MMP16: variants seen among roughly 807,000 people sequenced by gnomAD.
MMP16 encodes matrix metallopeptidase 16, also known as matrix metalloproteinase-16.
In MMP16, 12 loss-of-function variants were observed where a neutral mutation model predicts 67.8. That is an observed-to-expected ratio of 0.18 (90% CI 0.11 to 0.29). The LOEUF (loss-of-function observed/expected upper bound fraction) is 0.29. Ranked by LOEUF, MMP16 falls within the 10% of genes least tolerant of loss-of-function variation. MMP16 has a pLI of 1.00. For missense variants in MMP16, 475 were observed against 765.7 expected (o/e 0.62, Z 4.48); for synonymous variants, 249 against 255.9 (o/e 0.97, Z 0.26).
At chr8:88,230,307 A>G (rs1316772542) in intron 1 of MMP16, among the ~76,000 whole-genome samples, 1 of 152,144 alleles carries the variant, frequency 6.6e-6, no homozygotes, top group Non-Finnish European at 1.5e-5. Context: ...AATAGTAAAA[A>G]TAAACGAATT....
chr8:88,209,048 G>A (rs930346603), intron 1 of MMP16, among the ~76,000 whole-genome samples: 8 of 152,048 alleles, frequency 5.3e-5, no homozygotes, highest in East Asian at 1.9e-4. Context: ...GAAGGCTTCC[G>A]TTTATTCAAA....
intron 7 of MMP16, among the ~76,000 whole-genome samples, chr8:88,060,381 AAAGTC>A (rs1309939582): frequency 6.6e-6 from 1 of 152,006 alleles, no homozygotes; most frequent in Non-Finnish European, 1.5e-5. Flanking sequence ...TATCCTCCAC[AAAGTC>A]AAGAAAGGGA....
chr8:88,189,994 C>T (rs564653821), intron 2 of MMP16, among the ~76,000 whole-genome samples: 2 of 152,174 alleles, frequency 1.3e-5, no homozygotes, highest in East Asian at 3.9e-4. Context: ...CTGATCATTT[C>T]GACAATCCTA....
Position 88,257,458 on chromosome 8 carries a change from A to T in MMP16, c.133-60152T>A, listed in dbSNP as rs995959410. Among the ~76,000 whole-genome samples, 5 of 152,232 alleles carry T rather than the reference A, an allele frequency of 3.3e-5. No individual in the cohort carries two copies. The South Asian group carries it at 6.2e-4, about 19-fold the overall frequency. On this transcript the variant is annotated intron_variant, in intron 1 of 9. Transcript: ENST00000286614. ...GAAACAAAGCTACAAACAAATGAAA[A>T]GTCAAATCTAGTTTACAATTACTTT...
intron 1 of MMP16, among the ~76,000 whole-genome samples, chr8:88,279,472 A>G (rs1234412709): frequency 6.6e-6 from 1 of 152,118 alleles, no homozygotes; most frequent in Non-Finnish European, 1.5e-5. Flanking sequence ...ATCCTTCTAG[A>G]TATATTTTAG....
intron 1 of MMP16, among the ~76,000 whole-genome samples, chr8:88,296,389 C>T (rs992039120): frequency 6.6e-6 from 1 of 152,170 alleles, no homozygotes; most frequent in African/African-American, 2.4e-5. Context: ...CTAATGAACA[C>T]ATCCATCGCC....
At chr8:88,322,731 G>C (rs529338662) in intron 1 of MMP16, among the ~76,000 whole-genome samples, 4 of 152,126 alleles carry the variant, frequency 2.6e-5, no homozygotes, top group Non-Finnish European at 5.9e-5. Context: ...TGTAGTGCCA[G>C]CTACTCAGGA....
intron 3 of MMP16, among the ~76,000 whole-genome samples, chr8:88,169,359 G>C (rs1808764453): frequency 6.6e-6 from 1 of 152,080 alleles, no homozygotes; most frequent in African/African-American, 2.4e-5. Flanking sequence ...AGCTAGATGA[G>C]CACTTCACAT....
intron 4 of MMP16, among the ~76,000 whole-genome samples, chr8:88,132,073 A>G (rs1025755459): frequency 6.6e-6 from 1 of 151,808 alleles, no homozygotes; most frequent in African/African-American, 2.4e-5. Flanking sequence ...CTATTTTGTT[A>G]GTTATCCTTA....
chr8:88,140,219 C>G (rs1308190028), intron 4 of MMP16, among the ~76,000 whole-genome samples: 1 of 152,088 alleles, frequency 6.6e-6, no homozygotes, highest in Non-Finnish European at 1.5e-5. Context: ...CCACTTGGGT[C>G]TCGGGTCTCA....
chr8:88,150,800 T>C (rs1318602279), intron 4 of MMP16, among the ~76,000 whole-genome samples: 1 of 151,336 alleles, frequency 6.6e-6, no homozygotes, highest in African/African-American at 2.4e-5. Flanking sequence ...AGAAACTGCA[T>C]CAACTAACGA....
intron 1 of MMP16, among the ~76,000 whole-genome samples, chr8:88,267,283 A>C (rs1785551208): frequency 6.6e-6 from 1 of 152,222 alleles, no homozygotes; most frequent in Non-Finnish European, 1.5e-5. Flanking sequence ...GGAGAAAAAG[A>C]TAAGTAACTT....
intron 1 of MMP16, among the ~76,000 whole-genome samples, chr8:88,277,593 T>A (rs1476926785): frequency 6.6e-6 from 1 of 152,188 alleles, no homozygotes; most frequent in East Asian, 1.9e-4. Flanking sequence ...TTACCCAGAC[T>A]TGAAATATAA....
intron 8 of MMP16, among the ~76,000 whole-genome samples, chr8:88,048,235 G>A (rs1808223412): frequency 6.6e-6 from 1 of 152,128 alleles, no homozygotes; most frequent in Admixed American, 6.6e-5. Flanking sequence ...GGAGTACTCA[G>A]TGTATAGACA....
At chr8:88,219,008 C>G (rs993925257) in intron 1 of MMP16, among the ~76,000 whole-genome samples, 1 of 151,794 alleles carries the variant, frequency 6.6e-6, no homozygotes, top group Admixed American at 6.6e-5. Context: ...GCAGACCATA[C>G]AAGAAAAGAC....
chr8:88,099,661 G>C (rs1323006638), intron 6 of MMP16, among the ~76,000 whole-genome samples: 1 of 151,716 alleles, frequency 6.6e-6, no homozygotes, highest in African/African-American at 2.4e-5. Flanking sequence ...TTTTAGTCCA[G>C]ATTTTTTCCC....
At chr8:88,262,488 CAGCAAGTACACACTTGAGGCTCCTCGCT>C (rs1745463440) in intron 1 of MMP16, among the ~76,000 whole-genome samples, 1 of 152,150 alleles carries the variant, frequency 6.6e-6, no homozygotes, top group South Asian at 2.1e-4. Flanking sequence ...ACCCATTAGG[CAGCAAGTACACACTTGAGGCTCCTCGCT>C]AGCAGTATTG....
intron 4 of MMP16, among the ~76,000 whole-genome samples, chr8:88,160,622 G>C (rs1808603085): frequency 6.6e-6 from 1 of 152,020 alleles, no homozygotes; most frequent in Non-Finnish European, 1.5e-5. Flanking sequence ...TCATTAAAAA[G>C]TCAGGAAACA....
intron 1 of MMP16, among the ~76,000 whole-genome samples, chr8:88,230,529 A>G (rs890572802): frequency 3.6e-5 from 2 of 55,278 alleles, no homozygotes; most frequent in African/African-American, 1.3e-4. Context: ...TCACTGGATC[A>G]ATTTTCTTTT....
Sources: allele counts gnomAD v4.1 joint callset (sites outside exome capture counted in the v4.1 genomes callset), GRCh38; gene constraint gnomAD v4.1.1; transcripts MANE v1.5; gene names NCBI Gene and HGNC (gene_info 2026-07-23, HGNC 2026-07-21).